PPP2R2D: variants seen among roughly 807,000 people sequenced by gnomAD.
The protein encoded by PPP2R2D is protein phosphatase 2 regulatory subunit Bdelta.
PPP2R2D carries 9 observed loss-of-function variants against 31.1 expected under a neutral mutation model. That is an observed-to-expected ratio of 0.29 (90% CI 0.17 to 0.51). The LOEUF is 0.51. PPP2R2D is among the 20% of genes least tolerant of loss of function. The pLI is 0.98. For missense variants in PPP2R2D, 391 were observed against 465.6 expected (o/e 0.84, Z 1.48); for synonymous variants, 179 against 172.6 (o/e 1.04, Z -0.29).
chr10:131,915,828 T>C (rs1437093664), intron 2 of PPP2R2D, among the ~76,000 whole-genome samples: 1 of 152,226 alleles, frequency 6.6e-6, no homozygotes, highest in Non-Finnish European at 1.5e-5. Flanking sequence ...TAGATAATCG[T>C]TGAAGTAGTA....
intron 2 of PPP2R2D, among the ~76,000 whole-genome samples, chr10:131,933,599 G>A (rs921456042): frequency 2.0e-5 from 3 of 152,276 alleles, no homozygotes; most frequent in Admixed American, 6.5e-5. Context: ...CAGTCCGCAC[G>A]CGACACAGCA....
rs568007768 is a variant in PPP2R2D, at chr10:131,945,556, T to C, written c.820+97T>C. The C allele has an allele frequency of 2.1e-3, 2,786 of 1,352,672 alleles. 2 individuals carry two copies. The highest frequency in any genetic ancestry group is 2.5e-3 in the Non-Finnish European group (2,543 of 1,000,496). 83.8% of individuals were successfully genotyped at this position (1,352,672 alleles called of 1,614,324 possible). On this transcript the variant is annotated intron_variant, in intron 7 of 8. Transcript: ENST00000455566. The surrounding 1 kb of genome is among the most constrained non-coding windows in gnomAD (Gnocchi z 4.8). ...CTCACGGCAAGCTCCGCCTCCCGGG[T>C]TCCAGCAAGTCTTCTGCCTCGGCCT... is the stretch of plus-strand genomic sequence containing the variant.
At chr10:131,943,925 G>T (rs1206880878) in intron 5 of PPP2R2D, 43 bp from the exon 6 acceptor site, 3 of 764,070 alleles carry the variant, frequency 3.9e-6, no homozygotes, top group African/African-American at 3.4e-5. Flanking sequence ...ATTATGTGCT[G>T]CTGTGATCTT....
intron 5 of PPP2R2D, 76 bp downstream of exon 5, chr10:131,940,770 G>A: frequency 1.4e-6 from 1 of 696,404 alleles, no homozygotes; most frequent in Admixed American, 2.2e-5. Context: ...TCTGGAGAGT[G>A]CTGCGCGGTG....
the PPP2R2D span, among the ~76,000 whole-genome samples, chr10:131,964,995 C>G: frequency 6.6e-6 from 1 of 152,108 alleles, no homozygotes; most frequent in Non-Finnish European, 1.5e-5. Context: ...AATTTTTTTG[C>G]ACAAATGAGC....
intron 3 of PPP2R2D, chr10:131,934,930 A>C (rs1274663685): frequency 2.2e-6 from 1 of 457,092 alleles, no homozygotes; most frequent in Non-Finnish European, 4.4e-6. Context: ...CCTGCCATGA[A>C]GTGTGAGCAG....
At chr10:131,926,088 C>T (rs747410037) in intron 2 of PPP2R2D, among the ~76,000 whole-genome samples, 2 of 152,198 alleles carry the variant, frequency 1.3e-5, no homozygotes, top group South Asian at 4.1e-4. Context: ...TCCCTTGGGA[C>T]CTTTCCCTGT....
intron 5 of PPP2R2D, among the ~76,000 whole-genome samples, chr10:131,941,995 A>C (rs1297742025): frequency 2.6e-5 from 4 of 152,180 alleles, no homozygotes; most frequent in African/African-American, 9.7e-5. Context: ...TGCACCCCTG[A>C]ATTAGTGTAA....
chr10:131,970,699 C>T, the PPP2R2D span: 2 of 1,614,224 alleles, frequency 1.2e-6, no homozygotes, highest in Non-Finnish European at 1.7e-6. The surrounding 1 kb of genome is among the most constrained non-coding windows in gnomAD (Gnocchi z 4.1). Context: ...TTCAGAAATT[C>T]TGCAGAGAAT....
At chr10:131,963,434 G>A (rs1409562698), downstream of PPP2R2D, among the ~76,000 whole-genome samples, 1 of 152,240 alleles carries the variant, frequency 6.6e-6, no homozygotes, top group East Asian at 1.9e-4. Context: ...TTTCTTGGGG[G>A]GTTACTTCCA....
chr10:131,931,966 C>A (rs2036238056), intron 2 of PPP2R2D, among the ~76,000 whole-genome samples: 1 of 150,966 alleles, frequency 6.6e-6, no homozygotes, highest in Non-Finnish European at 1.5e-5. Context: ...AGACTTTCTG[C>A]ATCTCTGTGC....
chr10:131,935,385 T>C (rs10430617), intron 3 of PPP2R2D, among the ~76,000 whole-genome samples: 40,786 of 152,088 alleles, frequency 0.27, 5,597 homozygotes, highest in East Asian at 0.45. Flanking sequence ...GTTTATCATC[T>C]CCAAAGTCTG....
At chr10:131,927,774 T>TA (rs1476738478) in intron 2 of PPP2R2D, among the ~76,000 whole-genome samples, 2 of 152,230 alleles carry the variant, frequency 1.3e-5, no homozygotes, top group African/African-American at 4.8e-5. Context: ...CCTGGGGTGT[T>TA]ACGCGATGGT....
chr10:131,917,612 G>C lies in PPP2R2D; in HGVS notation c.100+16282G>C, dbSNP rs575986732. Among the ~76,000 whole-genome samples, 43 of 134,290 alleles carry C rather than the reference G, an allele frequency of 3.2e-4. 5 individuals carry two copies. The East Asian group carries it at 0.012, about 38-fold the overall frequency. 88.1% of individuals were successfully genotyped at this position (134,290 alleles called of 152,430 possible). Reference sequence around the variant, plus strand: ...TGTTTGTAGGGACCTCACGTGGGTGGAATGACACAGTGTAGGGACCTCAGG... The same window carrying C: ...TGTTTGTAGGGACCTCACGTGGGTGCAATGACACAGTGTAGGGACCTCAGG... On this transcript the variant is annotated intron_variant, in intron 2 of 8. Transcript: ENST00000455566.
At chr10:131,941,928 A>G (rs549383156) in intron 5 of PPP2R2D, among the ~76,000 whole-genome samples, 2 of 152,300 alleles carry the variant, frequency 1.3e-5, no homozygotes, top group African/African-American at 4.8e-5. Context: ...CCTAATTTGA[A>G]CCAAGATGTT....
At chr10:131,917,382 G>A (rs1240442420) in intron 2 of PPP2R2D, among the ~76,000 whole-genome samples, 7 of 135,118 alleles carry the variant, frequency 5.2e-5, no homozygotes, top group African/African-American at 1.7e-4. Flanking sequence ...GAATGACACA[G>A]TGTAGGGACC....
chr10:131,903,466 CAAAAA>C (rs1175160035), intron 2 of PPP2R2D, among the ~76,000 whole-genome samples: 18 of 74,428 alleles, frequency 2.4e-4, no homozygotes, highest in African/African-American at 8.2e-4. Flanking sequence ...GGCTCCATCT[CAAAAA>C]AAAAAAAAAA....
downstream of PPP2R2D, among the ~76,000 whole-genome samples, chr10:131,963,823 C>G (rs1198482188): frequency 6.6e-6 from 1 of 152,220 alleles, no homozygotes; most frequent in African/African-American, 2.4e-5. Context: ...CTTCACCCAG[C>G]CCCCTAACAA....
the PPP2R2D span, among the ~76,000 whole-genome samples, chr10:131,965,311 G>A: frequency 1.3e-5 from 2 of 152,168 alleles, no homozygotes; most frequent in Non-Finnish European, 1.5e-5. Flanking sequence ...GGAAGTGGCG[G>A]CTGCCGGTTT....
Sources: allele counts gnomAD v4.1 joint callset (sites outside exome capture counted in the v4.1 genomes callset), GRCh38; gene constraint gnomAD v4.1.1; non-coding constraint Gnocchi (gnomAD v3.1); transcripts MANE v1.5; gene names NCBI Gene and HGNC (gene_info 2026-07-23, HGNC 2026-07-21).